ESRRG: variants seen among roughly 807,000 people sequenced by gnomAD.
The protein encoded by ESRRG is estrogen-related receptor gamma.
ESRRG carries 13 observed loss-of-function variants against 44.0 expected under a neutral mutation model. That is an observed-to-expected ratio of 0.30 (90% CI 0.19 to 0.47). The LOEUF is 0.47. Ranked by LOEUF, ESRRG falls within the 20% of genes least tolerant of loss-of-function variation. ESRRG has a pLI of 1.00. For synonymous variants in ESRRG, 215 were observed against 214.6 expected, an observed-to-expected ratio of 1.00 and a Z score of -0.02; for missense variants, 395 against 580.6, an observed-to-expected ratio of 0.68 and a Z score of 3.29.
intron 3 of ESRRG, among the ~76,000 whole-genome samples, chr1:216,591,402 G>A (rs1349525241): frequency 6.6e-6 from 1 of 152,184 alleles, no homozygotes; most frequent in Non-Finnish European, 1.5e-5. Context: ...ATGGGACTGA[G>A]CTCTTTACAT....
intron 2 of ESRRG, among the ~76,000 whole-genome samples, chr1:216,739,746 A>G (rs1282955177): frequency 2.6e-5 from 4 of 152,194 alleles, no homozygotes; most frequent in African/African-American, 4.8e-5. Context: ...ACTCCTTCTC[A>G]AAATCTATTT....
intron 3 of ESRRG, among the ~76,000 whole-genome samples, chr1:216,648,183 G>A (rs2068058535): frequency 6.6e-6 from 1 of 152,126 alleles, no homozygotes; most frequent in Non-Finnish European, 1.5e-5. Flanking sequence ...CTTGAGCCAA[G>A]GAGATGGCCA....
intron 1 of ESRRG, among the ~76,000 whole-genome samples, chr1:216,693,105 C>T (rs970355888): frequency 6.6e-6 from 1 of 152,252 alleles, no homozygotes; most frequent in African/African-American, 2.4e-5. Context: ...CCCTTGGCAA[C>T]ACTTTCTGCG....
At chr1:216,706,934 T>C (rs559342158) in intron 1 of ESRRG, among the ~76,000 whole-genome samples, 1 of 152,334 alleles carries the variant, frequency 6.6e-6, no homozygotes, top group Admixed American at 6.5e-5. Context: ...AACAGAGAAC[T>C]GCTTTGAATT....
At chr1:216,908,124 A>C (rs183013215) in intron 2 of ESRRG, among the ~76,000 whole-genome samples, 11 of 152,368 alleles carry the variant, frequency 7.2e-5, no homozygotes, top group African/African-American at 2.6e-4. Flanking sequence ...AACTCTATCC[A>C]GAATGCTATT....
At chr1:216,599,862 G>T (rs532684871) in intron 3 of ESRRG, among the ~76,000 whole-genome samples, 9 of 151,884 alleles carry the variant, frequency 5.9e-5, no homozygotes, top group African/African-American at 2.2e-4. Context: ...GGTACCCTAT[G>T]CATTTTTAAC....
chr1:216,608,127 G>A (rs544041413), intron 3 of ESRRG, among the ~76,000 whole-genome samples: 70 of 152,252 alleles, frequency 4.6e-4, no homozygotes, highest in African/African-American at 1.6e-3. Context: ...TGCTATATGA[G>A]ACACAGACAA....
At chr1:217,038,756 AT>A (rs1040768602) in intron 1 of ESRRG, among the ~76,000 whole-genome samples, 2 of 152,314 alleles carry the variant, frequency 1.3e-5, no homozygotes, top group African/African-American at 4.8e-5. Context: ...TGTCCTGGGG[AT>A]TAACATTCAG....
At chr1:216,768,496 A>ATCTG (rs202243789) in intron 2 of ESRRG, among the ~76,000 whole-genome samples, 5 of 124,174 alleles carry the variant, frequency 4.0e-5, no homozygotes, top group Admixed American at 1.6e-4. Context: ...CTATCTATCT[A>ATCTG]TCTATATTTT....
intron 1 of ESRRG, among the ~76,000 whole-genome samples, chr1:217,016,602 C>T (rs370464721): frequency 6.6e-6 from 1 of 152,142 alleles, no homozygotes; most frequent in Admixed American, 6.6e-5. Context: ...AGTATCTGGG[C>T]TGGAAATCCT....
intron 3 of ESRRG, among the ~76,000 whole-genome samples, chr1:216,608,607 G>C (rs2060228808): frequency 6.6e-6 from 1 of 152,140 alleles, no homozygotes; most frequent in Non-Finnish European, 1.5e-5. Context: ...GGATATTCTA[G>C]AGCCCAGACA....
At chr1:217,074,371 C>G (rs536866682) in intron 1 of ESRRG, among the ~76,000 whole-genome samples, 11 of 151,112 alleles carry the variant, frequency 7.3e-5, no homozygotes, top group African/African-American at 2.2e-4. Flanking sequence ...AAATGTCCCT[C>G]TGCCTTGACC....
At chr1:216,623,496 C>T (rs564139565) in intron 3 of ESRRG, among the ~76,000 whole-genome samples, 8 of 152,118 alleles carry the variant, frequency 5.3e-5, no homozygotes, top group Non-Finnish European at 1.5e-5. Flanking sequence ...ATATTCCCTG[C>T]CCCTGTTCTT....
chr1:216,640,105 G>A (rs552900114), intron 3 of ESRRG, among the ~76,000 whole-genome samples: 6 of 152,286 alleles, frequency 3.9e-5, no homozygotes, highest in African/African-American at 1.2e-4. Flanking sequence ...TACTGTGCTG[G>A]GGCTGTGCAG....
intron 2 of ESRRG, among the ~76,000 whole-genome samples, chr1:216,736,350 A>AT (rs1295112127): frequency 1.1e-4 from 17 of 151,322 alleles, no homozygotes; most frequent in African/African-American, 3.2e-4. Context: ...CGCCCGGCTA[A>AT]TTTTTTGTAT....
chr1:216,710,093 T>C (rs1031533705), intron 1 of ESRRG, among the ~76,000 whole-genome samples: 1 of 152,210 alleles, frequency 6.6e-6, no homozygotes, highest in South Asian at 2.1e-4. Context: ...CATTGAACAC[T>C]GTTTAGTAAA....
At chr1:217,131,996 G>C (rs1201926701) in intron 1 of ESRRG, among the ~76,000 whole-genome samples, 1 of 152,122 alleles carries the variant, frequency 6.6e-6, no homozygotes, top group East Asian at 1.9e-4. Flanking sequence ...ATCCCAATAA[G>C]GGAGGGCACA....
chr1:217,087,992 A>T (rs2092186557), intron 1 of ESRRG, among the ~76,000 whole-genome samples: 1 of 152,014 alleles, frequency 6.6e-6, no homozygotes, highest in South Asian at 2.1e-4. Flanking sequence ...TCCCACAATG[A>T]CAGAACTGTT....
intron 1 of ESRRG, among the ~76,000 whole-genome samples, chr1:216,691,549 C>A (rs1559249825): frequency 6.6e-6 from 1 of 152,158 alleles, no homozygotes; most frequent in African/African-American, 2.4e-5. Context: ...TTCACACACA[C>A]AAAGGTTACA....
Sources: allele counts gnomAD v4.1 joint callset (sites outside exome capture counted in the v4.1 genomes callset), GRCh38; gene constraint gnomAD v4.1.1; transcripts MANE v1.5; gene names NCBI Gene and HGNC (gene_info 2026-07-23, HGNC 2026-07-21).